FLYWCH2: variants seen among roughly 807,000 people sequenced by gnomAD.
FLYWCH2 encodes the protein FLYWCH family member 2.
In FLYWCH2, 2 loss-of-function variants were observed where a neutral mutation model predicts 6.0. The observed-to-expected ratio is 0.33, with a 90% confidence interval of 0.14 to 1.04. The LOEUF is 1.04. Among genes scored for constraint, FLYWCH2 ranks in the 50% least tolerant of loss-of-function variants. The probability of loss-of-function intolerance (pLI) is 0.45; values close to 1 mark genes in which losing one functional copy is unlikely to be tolerated. For missense variants in FLYWCH2, 192 were observed against 183.4 expected (o/e 1.05, Z -0.27); for synonymous variants, 87 against 79.3 (o/e 1.10, Z -0.52).
chr16:2,899,120 T>C lies in FLYWCH2; in HGVS notation c.394T>C (p.Cys132Arg), dbSNP rs1322925772. Residue 132 changes from cysteine (C) to arginine (R), a missense_variant, in exon 4 of 4, where the codon TGC (cysteine) becomes CGC (arginine). Coordinates refer to ENST00000396958, the MANE Select transcript of FLYWCH2 (RefSeq NM_138439.3). Reference protein sequence around the residue: ...PEAAGENFAPCSVAPGKSL With the variant: ...PEAAGENFAPRSVAPGKSL ...GGCTGCTGGGGAGAACTTTGCCCCC[T>C]GCTCTGTGGCGCCCGGCAAGTCCCT... 6.2e-7 allele frequency: 1 copy of C among 1,613,476 alleles called. No homozygotes were observed. Among genetic ancestry groups the C allele is most frequent in the Admixed American group, 1.7e-5 (1 of 59,932 alleles).
chr16:2,887,113 A>G (rs1313834696), intron 1 of FLYWCH2, among the ~76,000 whole-genome samples: 1 of 152,016 alleles, frequency 6.6e-6, no homozygotes, highest in Non-Finnish European at 1.5e-5. Context: ...AAAAAGTTTT[A>G]TTACTGTAGC....
At position 2,896,731 on chromosome 16, in the gene FLYWCH2, C is replaced by G. The variant is rs563787538; in HGVS notation, c.282C>G (p.Ala94=). 6.2e-7 allele frequency: 1 copy of G among 1,611,850 alleles called. No homozygotes were observed. Among genetic ancestry groups the G allele is most frequent in the African/African-American group, 1.3e-5 (1 of 74,936 alleles). ...AGGCCCAGCGGGCCATTGAGGCAGC[C>G]CCTCAGGAGCCTGAGCAGAAACGGA... ...HPEAQRAIEA[A]PQEPEQKRSR... Residue 94 remains alanine (A), a synonymous_variant, in exon 3 of 4, where the codon GCC becomes GCG. Coordinates refer to ENST00000396958, the MANE Select transcript of FLYWCH2 (RefSeq NM_138439.3).
intron 1 of FLYWCH2, among the ~76,000 whole-genome samples, chr16:2,886,823 C>A (rs1183355037): frequency 6.6e-6 from 1 of 151,796 alleles, no homozygotes; most frequent in Non-Finnish European, 1.5e-5. Flanking sequence ...GCCCAGCCGC[C>A]CATTTTTAAA....
At chr16:2,886,635 T>G (rs1468911692) in intron 1 of FLYWCH2, among the ~76,000 whole-genome samples, 1 of 141,478 alleles carries the variant, frequency 7.1e-6, no homozygotes, top group Non-Finnish European at 1.5e-5. Context: ...AATTCTCCTG[T>G]CTCAGCCTCC....
chr16:2,894,809 C>T (rs566171524), intron 1 of FLYWCH2, among the ~76,000 whole-genome samples: 2 of 152,332 alleles, frequency 1.3e-5, no homozygotes, highest in African/African-American at 4.8e-5. Context: ...TACTCCAGTC[C>T]TGCATCCTTA....
chr16:2,891,884 G>A (rs1222301980), intron 1 of FLYWCH2, among the ~76,000 whole-genome samples: 1 of 151,880 alleles, frequency 6.6e-6, no homozygotes, highest in African/African-American at 2.4e-5. Context: ...ATTTCCTAGA[G>A]TGGCCCAAAG....
At chr16:2,889,146 G>A (rs2069728909) in intron 1 of FLYWCH2, among the ~76,000 whole-genome samples, 1 of 145,184 alleles carries the variant, frequency 6.9e-6, no homozygotes, top group Non-Finnish European at 1.5e-5. Context: ...TGTTGTTGTT[G>A]TTGTTTGTGT....
rs1395905577 is a variant in FLYWCH2 at position 2,889,355 on chromosome 16, C to T, written c.-199-5865C>T. 5.3e-5 allele frequency among the ~76,000 whole-genome samples: 8 copies of T among 151,046 alleles called. No homozygotes were observed. In the East Asian group the frequency reaches 9.7e-4, roughly 18 times the overall value. ...CCTCCCGAGTAGCTGGGACTACAGG[C>T]GCCTGCCACCATGCCCGGCTAATTT... is the stretch of plus-strand genomic sequence containing the variant. On this transcript the variant is annotated intron_variant, in intron 1 of 3. Transcript: ENST00000396958.
downstream of FLYWCH2, chr16:2,899,372 G>C: frequency 2.4e-6 from 1 of 421,670 alleles, no homozygotes; most frequent in South Asian, 3.5e-5. Flanking sequence ...ATAATGGGCA[G>C]GTTTTAAACA....
intron 3 of FLYWCH2, among the ~76,000 whole-genome samples, chr16:2,898,454 C>T (rs563419435): frequency 2.0e-5 from 3 of 152,258 alleles, no homozygotes; most frequent in East Asian, 1.9e-4. Context: ...CTCAGAGGAG[C>T]GAAGTCGCCA....
chr16:2,886,242 G>T (rs71386695), intron 1 of FLYWCH2, among the ~76,000 whole-genome samples: 1 of 151,860 alleles, frequency 6.6e-6, no homozygotes, highest in South Asian at 2.1e-4. Flanking sequence ...GTGCAGTGTA[G>T]TGCAGTGGCG....
Position 2,883,292 on chromosome 16 carries a change from C to A in FLYWCH2, c.-274C>A, listed in dbSNP as rs1481479198. The A allele has an allele frequency of 6.6e-6, 1 of 152,338 alleles. No homozygotes were observed. Among genetic ancestry groups the A allele is most frequent in the Non-Finnish European group, 1.5e-5 (1 of 68,118 alleles). The allele number at this position is 152,338 out of a possible 1,614,324, so 9.4% of individuals were successfully genotyped here. A position where few individuals can be genotyped will look rare whatever the true frequency, so the allele number is the denominator to read the frequency against. ...CTTGAGGTAACAGCGCGAGCTGAGG[C>A]TGGGGCCCTTGGCGCGGAGGCTGAG... On this transcript the variant is annotated 5_prime_UTR_variant, in exon 1 of 4. The change creates a new upstream start codon in the 5' untranslated region. Transcript: ENST00000396958.
At chr16:2,894,859 A>T (rs2069800161) in intron 1 of FLYWCH2, among the ~76,000 whole-genome samples, 1 of 152,150 alleles carries the variant, frequency 6.6e-6, no homozygotes, top group South Asian at 2.1e-4. Flanking sequence ...AAAAAGCGCC[A>T]GGGTGCTGGG....
intron 1 of FLYWCH2, among the ~76,000 whole-genome samples, chr16:2,889,946 G>A (rs112306823): frequency 0.03 from 4,540 of 152,148 alleles, 215 homozygotes; most frequent in African/African-American, 0.1. Flanking sequence ...TTAGCCAGGC[G>A]TAGTGGTGCG....
intron 1 of FLYWCH2, among the ~76,000 whole-genome samples, chr16:2,887,993 C>G (rs1336883739): frequency 8.1e-6 from 1 of 123,048 alleles, no homozygotes; most frequent in Non-Finnish European, 1.8e-5. Context: ...ATCTCTGTGT[C>G]TGTGTTTTGT....
At chr16:2,895,572 G>T (rs1475483834) in intron 2 of FLYWCH2, among the ~76,000 whole-genome samples, 1 of 152,232 alleles carries the variant, frequency 6.6e-6, no homozygotes, top group African/African-American at 2.4e-5. Flanking sequence ...CCAAGATCGT[G>T]CCACTGCACT....
At chr16:2,894,546 G>C (rs1317443046) in intron 1 of FLYWCH2, among the ~76,000 whole-genome samples, 1 of 152,190 alleles carries the variant, frequency 6.6e-6, no homozygotes, top group Non-Finnish European at 1.5e-5. Context: ...TCCCCACATC[G>C]CCCTGTGAGG....
intron 1 of FLYWCH2, among the ~76,000 whole-genome samples, chr16:2,884,579 A>AAAAAAAAAAC (rs1285185165): frequency 7.3e-6 from 1 of 137,752 alleles, no homozygotes; most frequent in Non-Finnish European, 1.6e-5. Context: ...AAAAAAAAAT[A>AAAAAAAAAAC]CAAAAATTAG....
At chr16:2,884,731 G>A (rs893531562) in intron 1 of FLYWCH2, among the ~76,000 whole-genome samples, 3 of 151,154 alleles carry the variant, frequency 2.0e-5, no homozygotes, top group Non-Finnish European at 3.0e-5. Flanking sequence ...AAAATTAGCC[G>A]GGTGTGGTGG....
Sources: allele counts gnomAD v4.1 joint callset (sites outside exome capture counted in the v4.1 genomes callset), GRCh38; gene constraint gnomAD v4.1.1; transcripts MANE v1.5; gene names NCBI Gene and HGNC (gene_info 2026-07-23, HGNC 2026-07-21).